Variants in RBM39 observed in about 807,000 individuals in gnomAD.
The protein encoded by RBM39 is RNA binding motif protein 39, also known as RNA-binding protein 39.
RBM39 carries 12 observed loss-of-function variants against 79.6 expected under a neutral mutation model. That is an observed-to-expected ratio of 0.15 (90% CI 0.10 to 0.24). The LOEUF is 0.24. RBM39 is among the 10% of genes least tolerant of loss of function. The pLI is 1.00. For missense variants in RBM39, 243 were observed against 653.4 expected, an observed-to-expected ratio of 0.37 and a Z score of 6.85; for synonymous variants, 185 against 208.4, an observed-to-expected ratio of 0.89 and a Z score of 0.97.
intron 14 of RBM39, among the ~76,000 whole-genome samples, chr20:35,706,819 G>A (rs2035786397): frequency 6.6e-6 from 1 of 151,942 alleles, no homozygotes; most frequent in Non-Finnish European, 1.5e-5. Context: ...CCTCAGGTCG[G>A]GAGTTTGAGA....
chr20:35,717,796 C>T (rs2037340244), intron 9 of RBM39, among the ~76,000 whole-genome samples: 1 of 152,126 alleles, frequency 6.6e-6, no homozygotes, highest in Admixed American at 6.5e-5. Context: ...ACACAGTGAG[C>T]TTGCATCATG....
chr20:35,702,198 A>G lies in RBM39; in HGVS notation c.*2283T>C, dbSNP rs1386004428. ...AGAACTTTCAAAGATGGTAGTAATT[A>G]TTATAAAGATAAAAGAAAACTAGAT... On this transcript the variant is annotated 3_prime_UTR_variant, in exon 17 of 17. Coordinates refer to ENST00000253363, the MANE Select transcript of RBM39 (RefSeq NM_184234.3). 1.3e-5 allele frequency: 2 copies of G among 152,226 alleles called. No homozygotes were observed. Among genetic ancestry groups the G allele is most frequent in the Non-Finnish European group, 2.9e-5 (2 of 68,050 alleles). 9.4% of individuals were successfully genotyped at this position (152,226 alleles called of 1,614,324 possible). A position where few individuals can be genotyped will look rare whatever the true frequency, so the allele number is the denominator to read the frequency against.
intron 8 of RBM39, among the ~76,000 whole-genome samples, chr20:35,722,314 G>A (rs898830661): frequency 1.3e-5 from 2 of 151,768 alleles, no homozygotes; most frequent in African/African-American, 4.8e-5. Flanking sequence ...GGCTGAGGCA[G>A]GAGAATGGCA....
At chr20:35,706,317 G>C (rs914760466) in intron 14 of RBM39, among the ~76,000 whole-genome samples, 2 of 152,116 alleles carry the variant, frequency 1.3e-5, no homozygotes, top group Non-Finnish European at 2.9e-5. Context: ...CTCCAACCTA[G>C]ACTGAGACTC....
intron 14 of RBM39, 139 bp downstream of exon 14, chr20:35,706,981 C>A (rs6060574): frequency 2.7e-6 from 1 of 377,134 alleles, no homozygotes; most frequent in East Asian, 5.0e-5. Context: ...AAGCCAAGAT[C>A]GCGCCATTGC....
intron 3 of RBM39, among the ~76,000 whole-genome samples, chr20:35,738,277 G>GAA (rs930287839): frequency 2.1e-5 from 3 of 145,558 alleles, no homozygotes; most frequent in African/African-American, 7.5e-5. Context: ...CACAAGAAAA[G>GAA]AAAAAAAAAA....
At chr20:35,726,502 T>C (rs2038713217) in intron 6 of RBM39, among the ~76,000 whole-genome samples, 1 of 152,168 alleles carries the variant, frequency 6.6e-6, no homozygotes, top group Admixed American at 6.6e-5. Context: ...ATAAAACATA[T>C]CACCAGACCA....
chr20:35,741,770 C>G (rs2040567054), intron 1 of RBM39, 171 bp downstream of exon 1: 1 of 154,030 alleles, frequency 6.5e-6, no homozygotes, highest in South Asian at 1.7e-4. Flanking sequence ...CCCCAAGAAT[C>G]CAGACTATAC....
Position 35,741,987 on chromosome 20 carries a change from T to TTGC in RBM39, c.-63_-61dup, listed in dbSNP as rs72096088. The TTGC allele has an allele frequency of 6.7e-3, 1,684 of 249,532 alleles. 28 individuals carry two copies. The highest frequency in any genetic ancestry group is 0.011 in the Middle Eastern group (14 of 1,332). 15.5% of individuals were successfully genotyped at this position (249,532 alleles called of 1,614,324 possible). On this transcript the variant is annotated 5_prime_UTR_variant, in exon 1 of 17. Transcript: ENST00000253363. Reference sequence around the variant, plus strand: ...TGTGGTGCTCGTGTTCGGGAAGAGATTGCTGCTGCTGCTGCTGCTGCTGCC... The same window carrying TTGC: ...TGTGGTGCTCGTGTTCGGGAAGAGATTGCTGCTGCTGCTGCTGCTGCTGCTGCC...
chr20:35,709,745 A>C (rs2036164669), intron 12 of RBM39, among the ~76,000 whole-genome samples: 1 of 152,214 alleles, frequency 6.6e-6, no homozygotes, highest in Non-Finnish European at 1.5e-5. Flanking sequence ...ATGATTTCCC[A>C]ATTTAGGAAG....
At chr20:35,721,693 C>T in intron 9 of RBM39, 47 bp downstream of exon 9, 1 of 1,593,602 alleles carries the variant, frequency 6.3e-7, no homozygotes, top group Non-Finnish European at 8.6e-7. Context: ...TGTAGTTATA[C>T]TCAGATCAAC....
At chr20:35,721,710 C>A (rs776711089) in intron 9 of RBM39, 30 bp downstream of exon 9, 2 of 1,609,392 alleles carry the variant, frequency 1.2e-6, no homozygotes, top group Admixed American at 3.4e-5. Context: ...CAACAACCTA[C>A]TGAAGATTCA....
At chr20:35,722,433 T>TA (rs1292662335) in intron 8 of RBM39, among the ~76,000 whole-genome samples, 2 of 111,392 alleles carry the variant, frequency 1.8e-5, no homozygotes, top group African/African-American at 7.3e-5. Flanking sequence ...AAAAAAAAAA[T>TA]AAAAATAAAA....
chr20:35,713,119 T>C, intron 11 of RBM39, 23 bp from the exon 12 acceptor site: 2 of 1,600,970 alleles, frequency 1.2e-6, no homozygotes, highest in Non-Finnish European at 1.7e-6. Flanking sequence ...AGTCTTAAAG[T>C]TCCTACTATG....
At chr20:35,727,047 G>C (rs1045909640) in intron 6 of RBM39, among the ~76,000 whole-genome samples, 1 of 151,866 alleles carries the variant, frequency 6.6e-6, no homozygotes, top group African/African-American at 2.4e-5. Flanking sequence ...GGCTGGTCTC[G>C]ATATCCTGAC....
Position 35,729,843 on chromosome 20 carries a change from TAAA to T in RBM39, c.297-319_297-317del, listed in dbSNP as rs11476594. On this transcript the variant is annotated intron_variant, in intron 4 of 16. Coordinates refer to ENST00000253363, the MANE Select transcript of RBM39 (RefSeq NM_184234.3). ...CATATATATATACAGTCTTGAGAAT[TAAA>T]AAAAAAAAAACACACACACACATAT... Among the ~76,000 whole-genome samples, 23 of 145,376 alleles carry T rather than the reference TAAA, an allele frequency of 1.6e-4. 2 individuals are homozygous for T. The highest frequency in any genetic ancestry group is 6.5e-4 in the South Asian group (3 of 4,622).
intron 4 of RBM39, 43 bp downstream of exon 4, chr20:35,731,898 A>G: frequency 6.4e-7 from 1 of 1,563,846 alleles, no homozygotes; most frequent in Non-Finnish European, 8.8e-7. Flanking sequence ...CTGAATACCC[A>G]GAGAATAACC....
chr20:35,711,152 C>A (rs534960808), intron 12 of RBM39, among the ~76,000 whole-genome samples: 10 of 152,140 alleles, frequency 6.6e-5, no homozygotes, highest in Admixed American at 6.5e-4. Context: ...CTATAAATGA[C>A]CCCTTTGTCA....
At chr20:35,740,713 A>G (rs993309748) in intron 2 of RBM39, 111 bp downstream of exon 2, 61 of 1,324,038 alleles carry the variant, frequency 4.6e-5, no homozygotes, top group Non-Finnish European at 6.3e-5. Flanking sequence ...TGCATCTCTG[A>G]TAAGATAAAT....
Sources: gnomAD v4.1 joint callset for allele counts (sites outside exome capture counted in the v4.1 genomes callset) on GRCh38, gnomAD v4.1.1 for gene constraint, MANE v1.5 for transcripts, NCBI Gene and HGNC (gene_info 2026-07-23, HGNC 2026-07-21) for gene names.